The following EVI5 variants were observed in gnomAD, a reference collection of about 807,000 sequenced individuals.
EVI5 encodes the protein ecotropic viral integration site 5 protein homolog.
In EVI5, 73 loss-of-function variants were observed where a neutral mutation model predicts 112.0. The observed-to-expected ratio is 0.65, with a 90% CI of 0.54 to 0.79. The LOEUF is 0.79. EVI5 is among the 30% of genes least tolerant of loss of function. The pLI, the probability that EVI5 is intolerant of heterozygous loss-of-function variation, is 0.00. For synonymous variants in EVI5, 305 were observed against 319.9 expected, an observed-to-expected ratio of 0.95 and a Z score of 0.50; for missense variants, 900 against 968.8, an observed-to-expected ratio of 0.93 and a Z score of 0.94.
At chr1:92,644,393 T>C (rs1226962135) in intron 13 of EVI5, among the ~76,000 whole-genome samples, 1 of 152,216 alleles carries the variant, frequency 6.6e-6, no homozygotes, top group Non-Finnish European at 1.5e-5. Context: ...ATTCCTGACA[T>C]TGGTTGTTTC....
chr1:92,572,753 G>A (rs1004499368), intron 18 of EVI5, among the ~76,000 whole-genome samples: 4 of 151,902 alleles, frequency 2.6e-5, no homozygotes, highest in Non-Finnish European at 4.4e-5. Context: ...GTTCGGGGGT[G>A]TTCAAATAGT....
chr1:92,572,968 C>G (rs1290145383), intron 18 of EVI5, among the ~76,000 whole-genome samples: 1 of 152,046 alleles, frequency 6.6e-6, no homozygotes, highest in African/African-American at 2.4e-5. Flanking sequence ...GAAGCATATT[C>G]TACTTCTAGA....
chr1:92,599,698 G>T (rs1256378843), intron 18 of EVI5, among the ~76,000 whole-genome samples: 1 of 152,128 alleles, frequency 6.6e-6, no homozygotes, highest in Non-Finnish European at 1.5e-5. Context: ...AAGAAGTTCA[G>T]AAAAATACAG....
At chr1:92,738,726 G>A (rs1677855067) in intron 1 of EVI5, among the ~76,000 whole-genome samples, 2 of 152,108 alleles carry the variant, frequency 1.3e-5, no homozygotes, top group Non-Finnish European at 2.9e-5. Context: ...AATTGCATCT[G>A]CAATTTAATA....
intron 19 of EVI5, among the ~76,000 whole-genome samples, chr1:92,539,491 C>T (rs1448209391): frequency 7.6e-5 from 11 of 144,196 alleles, no homozygotes; most frequent in Admixed American, 2.9e-4. Context: ...AGTAGTGAGA[C>T]GAGATCATGC....
intron 19 of EVI5, among the ~76,000 whole-genome samples, chr1:92,553,851 AC>A (rs147507814): frequency 7.9e-4 from 121 of 152,360 alleles, no homozygotes; most frequent in African/African-American, 2.8e-3. Flanking sequence ...TAATCTGGAA[AC>A]ATTGGTGGAA....
chr1:92,606,375 T>A (rs1650384301), intron 17 of EVI5, among the ~76,000 whole-genome samples: 1 of 152,168 alleles, frequency 6.6e-6, no homozygotes, highest in Admixed American at 6.5e-5. Context: ...ACACCAATAA[T>A]AAATAAAAGA....
chr1:92,622,124 A>T (rs1654727989), intron 16 of EVI5, among the ~76,000 whole-genome samples: 1 of 43,264 alleles, frequency 2.3e-5, no homozygotes, highest in Non-Finnish European at 4.7e-5. Context: ...CGTCTAAAAA[A>T]TAAAAATTAA....
chr1:92,678,438 G>C, intron 9 of EVI5, among the ~76,000 whole-genome samples: 1 of 152,034 alleles, frequency 6.6e-6, no homozygotes, highest in Non-Finnish European at 1.5e-5. Flanking sequence ...GGCTGAGGTG[G>C]GAGGATTGCT....
chr1:92,688,821 T>C (rs1669003206), intron 9 of EVI5, among the ~76,000 whole-genome samples: 2 of 152,152 alleles, frequency 1.3e-5, no homozygotes, highest in Non-Finnish European at 2.9e-5. Flanking sequence ...TAACAAGCCA[T>C]TTACTTTTCT....
chr1:92,551,201 C>A (rs748473284), intron 19 of EVI5, among the ~76,000 whole-genome samples: 1 of 151,570 alleles, frequency 6.6e-6, no homozygotes, highest in African/African-American at 2.4e-5. Flanking sequence ...ACCACCACAC[C>A]CAGCTAATTT....
chr1:92,679,290 G>A (rs544346759), intron 9 of EVI5, among the ~76,000 whole-genome samples: 53 of 152,254 alleles, frequency 3.5e-4, no homozygotes, highest in Admixed American at 1.6e-3. Context: ...GGTCCCTAGT[G>A]TCAAAAAGGC....
chr1:92,643,106 G>C (rs537985486), intron 13 of EVI5, among the ~76,000 whole-genome samples: 1 of 152,222 alleles, frequency 6.6e-6, no homozygotes, highest in Non-Finnish European at 1.5e-5. Flanking sequence ...GCAGGAGTCA[G>C]ATGTGCAACT....
chr1:92,727,178 T>C (rs1285713169), intron 2 of EVI5, among the ~76,000 whole-genome samples: 2 of 152,092 alleles, frequency 1.3e-5, no homozygotes, highest in Non-Finnish European at 2.9e-5. Flanking sequence ...ACAGAAAATA[T>C]ATTAGTGGTT....
chr1:92,674,901 A>C (rs1006206559), intron 10 of EVI5, among the ~76,000 whole-genome samples: 5 of 152,216 alleles, frequency 3.3e-5, no homozygotes, highest in African/African-American at 1.2e-4. Flanking sequence ...TATTTACCTG[A>C]TATGTTCCAC....
intron 2 of EVI5, among the ~76,000 whole-genome samples, chr1:92,710,972 G>A (rs1023499292): frequency 2.6e-5 from 4 of 152,122 alleles, no homozygotes; most frequent in African/African-American, 9.7e-5. Flanking sequence ...CCGTATCTTT[G>A]CTTCTGAGAA....
chr1:92,686,334 A>C (rs1027700549), intron 9 of EVI5, among the ~76,000 whole-genome samples: 25 of 152,240 alleles, frequency 1.6e-4, no homozygotes, highest in African/African-American at 5.8e-4. Flanking sequence ...AAGGCCTTTG[A>C]CAAAAGTCAA....
chr1:92,703,613 C>A lies in EVI5; in HGVS notation c.346G>T (p.Val116Phe). ...KKKEKQVKEL[V>F]HKGIPHHFRA... ...AAGTGATGGGGTATCCCTTTATGAA[C>A]AAGTTCCTAAAAATAAAATAAAATT... Residue 116 changes from valine (V) to phenylalanine (F), a missense_variant, in exon 4 of 20, where the codon GTT becomes TTT. Physicochemically the swap from Val to Phe is conservative, Grantham distance 50 (BLOSUM62 -1). Transcript: ENST00000684568. The A allele has an allele frequency of 6.4e-7, 1 of 1,556,144 alleles. No homozygotes were observed.
intron 18 of EVI5, among the ~76,000 whole-genome samples, chr1:92,590,332 G>T (rs1225875354): frequency 6.6e-6 from 1 of 152,180 alleles, no homozygotes; most frequent in Non-Finnish European, 1.5e-5. Flanking sequence ...AAAGGAGGAA[G>T]TTCGAACCCA....
Sources: gnomAD v4.1 joint callset for allele counts (sites outside exome capture counted in the v4.1 genomes callset) on GRCh38, gnomAD v4.1.1 for gene constraint, MANE v1.5 for transcripts, NCBI Gene and HGNC (gene_info 2026-07-23, HGNC 2026-07-21) for gene names.